The following RAB18 variants were observed in gnomAD, a reference collection of about 807,000 sequenced individuals.
RAB18 encodes the protein RAB18, member RAS oncogene family.
In RAB18, 10 loss-of-function variants were observed where a neutral mutation model predicts 28.5. That is an observed-to-expected ratio of 0.35 (90% CI 0.22 to 0.60). The LOEUF (loss-of-function observed/expected upper bound fraction) is 0.60. Ranked by LOEUF, RAB18 falls within the 20% of genes least tolerant of loss-of-function variation. RAB18 has a pLI of 0.78. For synonymous variants in RAB18, 93 were observed against 86.9 expected (o/e 1.07, Z -0.39); for missense variants, 188 against 244.2 (o/e 0.77, Z 1.53).
intron 2 of RAB18, among the ~76,000 whole-genome samples, chr10:27,520,641 G>A (rs1271857528): frequency 6.6e-6 from 1 of 151,718 alleles, no homozygotes; most frequent in Non-Finnish European, 1.5e-5. Context: ...TCTGTGCCGG[G>A]CATGGTGGCT....
chr10:27,538,300 T>G lies in RAB18; in HGVS notation c.*249T>G. 1 of 609,206 alleles carries G rather than the reference T, an allele frequency of 1.6e-6. No individual in the cohort carries two copies. The highest frequency in any genetic ancestry group is 3.0e-6 in the Non-Finnish European group (1 of 328,296). 37.7% of individuals were successfully genotyped at this position (609,206 alleles called of 1,614,324 possible). A position where few individuals can be genotyped will look rare whatever the true frequency, so the allele number is the denominator to read the frequency against. ...TGTACCTTTATAAGTACATTCAATT[T>G]TATGATTTACATTTATCATGTAATT... is the stretch of plus-strand genomic sequence containing the variant. On this transcript the variant is annotated 3_prime_UTR_variant, in exon 7 of 7. Coordinates refer to ENST00000356940, the MANE Select transcript of RAB18 (RefSeq NM_021252.5).
At chr10:27,510,019 C>A in intron 2 of RAB18, 89 bp downstream of exon 2, 1 of 947,782 alleles carries the variant, frequency 1.1e-6, no homozygotes, top group Middle Eastern at 2.1e-4. Flanking sequence ...CTTCCTCTCA[C>A]CACCCCACTG....
chr10:27,531,608 G>A (rs1373151580), intron 3 of RAB18: 1 of 945,892 alleles, frequency 1.1e-6, no homozygotes, highest in East Asian at 2.6e-5. Flanking sequence ...TGGGCCATGT[G>A]GCAATACGTA....
rs912581045 is a variant in RAB18 at position 27,540,904 on chromosome 10, A to G, written c.*2853A>G. On this transcript the variant is annotated 3_prime_UTR_variant, in exon 7 of 7. Transcript: ENST00000356940. ...GTGGGGCTAGCACCATAGCTCATAA[A>G]AGAATCCTTCTTACACCAGTACTTG... is the stretch of plus-strand genomic sequence containing the variant. 8.8e-6 allele frequency: 4 copies of G among 453,942 alleles called. No homozygotes were observed. The highest frequency in any genetic ancestry group is 7.0e-5 in the Admixed American group (3 of 42,556). 28.1% of individuals were successfully genotyped at this position (453,942 alleles called of 1,614,324 possible).
chr10:27,535,317 A>C (rs1834871443), intron 6 of RAB18, among the ~76,000 whole-genome samples: 1 of 152,126 alleles, frequency 6.6e-6, no homozygotes. Flanking sequence ...GTGGCCCAAG[A>C]CTATTCTTCT....
chr10:27,527,219 A>G (rs1449585153), intron 3 of RAB18, among the ~76,000 whole-genome samples: 2 of 152,188 alleles, frequency 1.3e-5, no homozygotes, highest in Admixed American at 6.5e-5. Context: ...CTGAACTAAC[A>G]CTAAAGACAA....
In RAB18 at chr10:27,539,895, T is replaced by A; in HGVS notation, c.*1844T>A. 1 of 453,650 alleles carries A rather than the reference T, an allele frequency of 2.2e-6. No individual in the cohort carries two copies. Among genetic ancestry groups the A allele is most frequent in the Non-Finnish European group, 4.4e-6 (1 of 226,624 alleles). 28.1% of individuals were successfully genotyped at this position (453,650 alleles called of 1,614,324 possible). A position where few individuals can be genotyped will look rare whatever the true frequency, so the allele number is the denominator to read the frequency against. Reference sequence around the variant, plus strand: ...TCATCAGCTGAAGAATATGTACTATTGTGTTACTCAAATTATGTGGCTTTC... The same window carrying A: ...TCATCAGCTGAAGAATATGTACTATAGTGTTACTCAAATTATGTGGCTTTC... On this transcript the variant is annotated 3_prime_UTR_variant, in exon 7 of 7. Coordinates refer to ENST00000356940, the MANE Select transcript of RAB18 (RefSeq NM_021252.5).
At position 27,539,639 on chromosome 10, in the gene RAB18, C is replaced by T. The variant is rs1005734024; in HGVS notation, c.*1588C>T. 4 of 452,998 alleles carry T rather than the reference C, an allele frequency of 8.8e-6. No homozygotes were observed. The allele number at this position is 452,998 out of a possible 1,614,324, so 28.1% of individuals were successfully genotyped here. ...TGAGATTTGTGTATTTATGTAGAGT[C>T]TGTATTGACAAGACTGTTGTTTTTT... On this transcript the variant is annotated 3_prime_UTR_variant, in exon 7 of 7. Transcript: ENST00000356940.
rs1249378161 is a variant in RAB18 at position 27,539,478 on chromosome 10, C to T, written c.*1427C>T. The T allele has an allele frequency of 6.1e-6, 2 of 327,014 alleles. No individual in the cohort carries two copies. The highest frequency in any genetic ancestry group is 2.6e-5 in the South Asian group (1 of 38,408). 20.3% of individuals were successfully genotyped at this position (327,014 alleles called of 1,614,324 possible). On this transcript the variant is annotated 3_prime_UTR_variant, in exon 7 of 7. Transcript: ENST00000356940. ...TCACATTCTACTTGATTTACACTTC[C>T]TAGTCTACATTACATGTGGTTGAAG...
intron 1 of RAB18, among the ~76,000 whole-genome samples, chr10:27,507,534 C>G (rs924588596): frequency 7.5e-5 from 11 of 147,196 alleles, no homozygotes; most frequent in Non-Finnish European, 1.4e-4. Context: ...CCTCCTTTGC[C>G]CCTTGCCTTC....
rs1307567149 is a variant in RAB18 at position 27,541,980 on chromosome 10, T to G, written c.*3929T>G. 8.8e-6 allele frequency: 4 copies of G among 453,974 alleles called. No homozygotes were observed. Among genetic ancestry groups the G allele is most frequent in the African/African-American group, 2.0e-5 (1 of 49,988 alleles). 28.1% of individuals were successfully genotyped at this position (453,974 alleles called of 1,614,324 possible). On this transcript the variant is annotated 3_prime_UTR_variant, in exon 7 of 7. Transcript: ENST00000356940. ...AGGCACCTGACCCAGACCAGACTAC[T>G]GAGATAAAGATGTTTGCCTAGGCTT...
intron 1 of RAB18, among the ~76,000 whole-genome samples, chr10:27,506,099 T>C (rs992610604): frequency 3.3e-5 from 5 of 152,214 alleles, no homozygotes; most frequent in African/African-American, 1.2e-4. Flanking sequence ...GTGATCTTTC[T>C]TTTTCTTTTC....
intron 2 of RAB18, among the ~76,000 whole-genome samples, chr10:27,511,501 G>GAGCCTCTTC (rs1420544259): frequency 1.3e-5 from 2 of 151,972 alleles, no homozygotes; most frequent in African/African-American, 4.8e-5. Context: ...CCACCGCGTC[G>GAGCCTCTTC]AGCCTCTTCA....
At chr10:27,531,382 C>T (rs1589585322) in intron 3 of RAB18, 2 of 1,301,214 alleles carry the variant, frequency 1.5e-6, no homozygotes, top group Non-Finnish European at 2.0e-6. Context: ...AATTCTTCTC[C>T]AATCTTATAA....
intron 3 of RAB18, among the ~76,000 whole-genome samples, chr10:27,530,420 CT>C (rs142078098): frequency 0.039 from 5,627 of 145,016 alleles, 315 homozygotes; most frequent in African/African-American, 0.13. Flanking sequence ...GCTTTTCCTT[CT>C]TTTTTTTTTT....
chr10:27,508,229 T>C (rs573144514), intron 1 of RAB18, among the ~76,000 whole-genome samples: 15 of 152,192 alleles, frequency 9.9e-5, no homozygotes, highest in Non-Finnish European at 2.2e-4. Context: ...AGAGCCTGTA[T>C]TAAAATTTGT....
Position 27,525,677 on chromosome 10 carries a change from T to C in RAB18, c.125-1151T>C, listed in dbSNP as rs12220463. 0.023 allele frequency among the ~76,000 whole-genome samples: 3,531 copies of C among 152,270 alleles called. 310 individuals are homozygous for C. The East Asian group carries it at 0.3, about 13-fold the overall frequency. On this transcript the variant is annotated intron_variant, in intron 2 of 6. Transcript: ENST00000356940. ...TCATTCTAGGCTTTATCAACTCCTT[T>C]ATCACCCCAGCTCAAAACACCAAAC...
rs36085130 is a variant in RAB18, at chr10:27,541,344, CTT to C, written c.*3307_*3308del. 47,148 of 349,670 alleles carry C rather than the reference CTT, an allele frequency of 0.13. No homozygotes were observed. Among genetic ancestry groups the C allele is most frequent in the South Asian group, 0.17 (7,772 of 45,826 alleles). The allele number at this position is 349,670 out of a possible 1,614,324, so 21.7% of individuals were successfully genotyped here. On this transcript the variant is annotated 3_prime_UTR_variant, in exon 7 of 7. Transcript: ENST00000356940. ...CTAAGGAATATAGAATCACCCAGGT[CTT>C]TTTTTTTTTTTTTAATTTTTCTCTC...
intron 3 of RAB18, 126 bp from the exon 4 acceptor site, chr10:27,532,381 C>G (rs1834805511): frequency 1.6e-6 from 1 of 635,364 alleles, no homozygotes; most frequent in South Asian, 2.1e-5. Context: ...ATTTAAGTTC[C>G]AGTTTTTTAA....
Sources: gnomAD v4.1 joint callset for allele counts (sites outside exome capture counted in the v4.1 genomes callset) on GRCh38, gnomAD v4.1.1 for gene constraint, MANE v1.5 for transcripts, NCBI Gene and HGNC (gene_info 2026-07-23, HGNC 2026-07-21) for gene names.